FNDC3B: variants seen among roughly 807,000 people sequenced by gnomAD.
The protein encoded by FNDC3B is fibronectin type III domain-containing protein 3B.
In FNDC3B, 12 loss-of-function variants were observed where a neutral mutation model predicts 151.5. That is an observed-to-expected ratio of 0.08 (90% confidence interval 0.05 to 0.13). The LOEUF (loss-of-function observed/expected upper bound fraction) is 0.13, where lower values mean the gene tolerates loss of function less well. Ranked by LOEUF, FNDC3B falls within the 10% of genes least tolerant of loss-of-function variation. The pLI is 1.00. For missense variants in FNDC3B, 1,214 were observed against 1,505.3 expected, an observed-to-expected ratio of 0.81 and a Z score of 3.20; for synonymous variants, 528 against 549.0, an observed-to-expected ratio of 0.96 and a Z score of 0.54.
At chr3:172,217,407 G>A (rs1253697751) in intron 3 of FNDC3B, among the ~76,000 whole-genome samples, 1 of 152,106 alleles carries the variant, frequency 6.6e-6, no homozygotes, top group Non-Finnish European at 1.5e-5. Context: ...ACTGAATTTT[G>A]AATATTCTTC....
chr3:172,246,192 T>G (rs1576835059), intron 4 of FNDC3B, among the ~76,000 whole-genome samples: 1 of 152,146 alleles, frequency 6.6e-6, no homozygotes, highest in Non-Finnish European at 1.5e-5. Flanking sequence ...TTTAGATTTT[T>G]TTTTTTTTGT....
intron 16 of FNDC3B, among the ~76,000 whole-genome samples, chr3:172,338,959 G>C (rs908436656): frequency 6.6e-6 from 1 of 151,750 alleles, no homozygotes; most frequent in Middle Eastern, 3.2e-3. Flanking sequence ...GGATAGTCTC[G>C]ATCTCCTGAC....
chr3:172,087,566 A>G (rs1351379114), intron 1 of FNDC3B, among the ~76,000 whole-genome samples: 7 of 152,220 alleles, frequency 4.6e-5, no homozygotes, highest in Non-Finnish European at 1.0e-4. Context: ...GCCATTAATC[A>G]GTGGTGTGAC....
intron 8 of FNDC3B, among the ~76,000 whole-genome samples, chr3:172,296,706 A>G (rs1730624835): frequency 1.5e-5 from 2 of 136,538 alleles, no homozygotes; most frequent in South Asian, 2.3e-4. Context: ...ACAGAGTGCC[A>G]TGTCCCCCAT....
intron 1 of FNDC3B, among the ~76,000 whole-genome samples, chr3:172,066,493 A>G (rs1717504639): frequency 6.6e-6 from 1 of 151,746 alleles, no homozygotes; most frequent in Non-Finnish European, 1.5e-5. Context: ...AATGACTACA[A>G]TTTCCTGTCC....
At chr3:172,182,708 G>A (rs1179756605) in intron 3 of FNDC3B, among the ~76,000 whole-genome samples, 1 of 152,156 alleles carries the variant, frequency 6.6e-6, no homozygotes, top group Non-Finnish European at 1.5e-5. Context: ...TATCCTCCAT[G>A]TTTTTCGTGT....
At chr3:172,167,527 C>T (rs771402343) in intron 3 of FNDC3B, among the ~76,000 whole-genome samples, 37 of 152,186 alleles carry the variant, frequency 2.4e-4, no homozygotes, top group Non-Finnish European at 2.6e-4. Flanking sequence ...AAGATAACAT[C>T]GCTAGTTAAT....
In FNDC3B at chr3:172,330,632, G is replaced by A; in HGVS notation, c.1471G>A (p.Val491Ile). Residue 491 changes from valine (V) to isoleucine (I), a missense_variant, in exon 13 of 26, where the codon GTC becomes ATC. Transcript: ENST00000415807. ...GCTGGTTCGAGCTGGCATCACATGG[G>A]TCACGTTGCAGTGGAGTAAGCCAGA... ...PRLVRAGITW[V>I]TLQWSKPEGC... is the part of the protein sequence containing the mutation. The A allele has an allele frequency of 6.2e-7, 1 of 1,614,190 alleles. No individual in the cohort carries two copies. The highest frequency in any genetic ancestry group is 8.5e-7 in the Non-Finnish European group (1 of 1,180,008).
intron 15 of FNDC3B, 50 bp from the exon 16 acceptor site, chr3:172,337,280 T>C: frequency 7.7e-7 from 1 of 1,295,478 alleles, no homozygotes; most frequent in Non-Finnish European, 1.1e-6. Flanking sequence ...TGTTTACCAA[T>C]AAAAATCAAT....
At chr3:172,314,206 C>T (rs1731665064) in intron 11 of FNDC3B, among the ~76,000 whole-genome samples, 1 of 152,156 alleles carries the variant, frequency 6.6e-6, no homozygotes, top group Non-Finnish European at 1.5e-5. Flanking sequence ...CACCCCTCCC[C>T]TCTCTAAGAG....
chr3:172,188,058 C>T (rs1044352222), intron 3 of FNDC3B, among the ~76,000 whole-genome samples: 4 of 148,704 alleles, frequency 2.7e-5, no homozygotes, highest in East Asian at 2.0e-4. Flanking sequence ...TGCAATGGCG[C>T]GATCTCGGCT....
rs902505404 is a variant in FNDC3B, at chr3:172,227,051, A to G, written c.264+104A>G. On this transcript the variant is annotated intron_variant, in intron 4 of 25. Transcript: ENST00000415807. ...CCATATTCCAGGAGTTAATTTGGGT[A>G]CCGTAGTGCTAGGTTTGCCATCATT... The G allele has an allele frequency of 1.5e-5, 12 of 795,306 alleles. No individual in the cohort carries two copies. In the Middle Eastern group the frequency reaches 1.4e-3, roughly 93 times the overall value. The allele number at this position is 795,306 out of a possible 1,614,324, so 49.3% of individuals were successfully genotyped here.
intron 3 of FNDC3B, among the ~76,000 whole-genome samples, chr3:172,184,970 A>C (rs1324229031): frequency 6.6e-6 from 1 of 152,226 alleles, no homozygotes; most frequent in East Asian, 1.9e-4. Context: ...CAAAATACAA[A>C]CATTAAGAAG....
chr3:172,217,617 A>T (rs1405044099), intron 3 of FNDC3B, among the ~76,000 whole-genome samples: 2 of 151,636 alleles, frequency 1.3e-5, no homozygotes, highest in African/African-American at 4.8e-5. Context: ...AAAGAATAGC[A>T]TTATGTATTT....
intron 2 of FNDC3B, among the ~76,000 whole-genome samples, chr3:172,116,609 A>G (rs1165359377): frequency 1.3e-5 from 2 of 151,994 alleles, no homozygotes; most frequent in Non-Finnish European, 2.9e-5. Context: ...TCTGTTGCCC[A>G]GGCTGGAGTG....
chr3:172,169,232 G>A (rs1460468616), intron 3 of FNDC3B, among the ~76,000 whole-genome samples: 1 of 152,100 alleles, frequency 6.6e-6, no homozygotes, highest in Non-Finnish European at 1.5e-5. Flanking sequence ...ATGCCATGTC[G>A]ACCTCAGTGC....
intron 1 of FNDC3B, among the ~76,000 whole-genome samples, chr3:172,111,375 G>T (rs1559970740): frequency 6.6e-6 from 1 of 152,064 alleles, no homozygotes. Context: ...ATTTGCTTAG[G>T]AACTGAGTAA....
chr3:172,228,268 C>A (rs1471153101), intron 4 of FNDC3B, among the ~76,000 whole-genome samples: 1 of 152,108 alleles, frequency 6.6e-6, no homozygotes, highest in Non-Finnish European at 1.5e-5. Flanking sequence ...TCACATCAGC[C>A]GTCAGTTAAC....
intron 1 of FNDC3B, among the ~76,000 whole-genome samples, chr3:172,051,591 A>T (rs970101641): frequency 6.6e-6 from 1 of 152,124 alleles, no homozygotes; most frequent in South Asian, 2.1e-4. Flanking sequence ...AAAGACTACA[A>T]ATTGGGTTCA....
Sources: gnomAD v4.1 joint callset for allele counts (sites outside exome capture counted in the v4.1 genomes callset) on GRCh38, gnomAD v4.1.1 for gene constraint, MANE v1.5 for transcripts, NCBI Gene and HGNC (gene_info 2026-07-23, HGNC 2026-07-21) for gene names.